The following GLIS3 variants were observed in gnomAD, a reference collection of about 807,000 sequenced individuals.
The protein encoded by GLIS3 is zinc finger protein GLIS3.
GLIS3 carries 53 observed loss-of-function variants against 78.6 expected under a neutral mutation model. The observed-to-expected ratio is 0.67, with a 90% confidence interval of 0.54 to 0.85. The LOEUF (loss-of-function observed/expected upper bound fraction) is 0.85. Among genes scored for constraint, GLIS3 ranks in the 40% least tolerant of loss-of-function variants. The pLI, the probability that GLIS3 is intolerant of heterozygous loss-of-function variation, is 0.00. For missense variants in GLIS3, 1,703 were observed against 1,231.1 expected (o/e 1.38, Z -5.74); for synonymous variants, 684 against 509.9 (o/e 1.34, Z -4.60).
chr9:3,924,499 G>C (rs1825095061), intron 6 of GLIS3, among the ~76,000 whole-genome samples: 1 of 152,192 alleles, frequency 6.6e-6, no homozygotes, highest in African/African-American at 2.4e-5. Context: ...CTAAGACATG[G>C]CCACCTGCCT....
At chr9:4,306,835 C>A (rs1020501492) in intron 4 of GLIS3, among the ~76,000 whole-genome samples, 3 of 152,222 alleles carry the variant, frequency 2.0e-5, no homozygotes, top group African/African-American at 7.2e-5. Flanking sequence ...GCTATAGATA[C>A]CCCTTGCTGA....
chr9:3,891,391 C>T (rs986474744), intron 7 of GLIS3, among the ~76,000 whole-genome samples: 2 of 152,072 alleles, frequency 1.3e-5, no homozygotes, highest in East Asian at 1.9e-4. Flanking sequence ...TTGTACAAAA[C>T]GTGGTCAGTA....
the GLIS3 span, among the ~76,000 whole-genome samples, chr9:4,355,193 G>A: frequency 6.6e-6 from 1 of 152,070 alleles, no homozygotes. Flanking sequence ...AAGTAGTAGA[G>A]TTGGAAAGTG....
At chr9:4,329,947 G>C (rs549193311) in intron 2 of GLIS3, among the ~76,000 whole-genome samples, 18 of 151,920 alleles carry the variant, frequency 1.2e-4, no homozygotes, top group African/African-American at 4.1e-4. Context: ...ATTTATTTTA[G>C]TGTATCAATT....
At chr9:4,072,225 G>C (rs758169773) in intron 4 of GLIS3, among the ~76,000 whole-genome samples, 7 of 152,182 alleles carry the variant, frequency 4.6e-5, no homozygotes, top group Non-Finnish European at 7.4e-5. Context: ...AGGTCACCTT[G>C]ATAATATTAG....
chr9:4,433,678 T>C, the GLIS3 span, among the ~76,000 whole-genome samples: 4 of 152,240 alleles, frequency 2.6e-5, no homozygotes, highest in Admixed American at 2.0e-4. Context: ...ACTACTTATC[T>C]CTAAGTGATG....
In GLIS3 at chr9:4,207,700, A is replaced by G. The variant is rs191091692; in HGVS notation, c.388+78338T>C. Among the ~76,000 whole-genome samples, 769 of 152,286 alleles carry G rather than the reference A, an allele frequency of 5.0e-3. 1 individual carries two copies. Among genetic ancestry groups the G allele is most frequent in the Middle Eastern group, 6.8e-3 (2 of 294 alleles). On this transcript the variant is annotated intron_variant, in intron 2 of 10. Coordinates refer to ENST00000381971, the MANE Select transcript of GLIS3 (RefSeq NM_001042413.2). ...CGCAGATGAGAAAAAAGCAGGAGAG[A>G]GAGGATATACTGGTTGCCCAAAGCC...
At chr9:4,276,564 G>GAGGGAAGGCA (rs201546348) in intron 2 of GLIS3, among the ~76,000 whole-genome samples, 1 of 111,524 alleles carries the variant, frequency 9.0e-6, no homozygotes, top group African/African-American at 3.3e-5. Flanking sequence ...GAGGGGAGGG[G>GAGGGAAGGCA]AGGGAAGAGA....
At chr9:4,047,514 A>C (rs1013976479) in intron 4 of GLIS3, among the ~76,000 whole-genome samples, 3 of 149,104 alleles carry the variant, frequency 2.0e-5, no homozygotes. Context: ...AAACAAACTT[A>C]AATCCACACC....
At position 4,012,430 on chromosome 9, in the gene GLIS3, G is replaced by GA. The variant is rs200999294; in HGVS notation, c.1711-75242dup. On this transcript the variant is annotated intron_variant, in intron 4 of 10. Coordinates refer to ENST00000381971, the MANE Select transcript of GLIS3 (RefSeq NM_001042413.2). ...ATGTCTTTTTTTACCTGTATCAGGG[G>GA]AAAAAAATAGACCCACACACACAAA... 4.0e-3 allele frequency among the ~76,000 whole-genome samples: 612 copies of GA among 151,934 alleles called. 6 individuals carry two copies. Among genetic ancestry groups the GA allele is most frequent in the African/African-American group, 0.014 (595 of 41,414 alleles).
At chr9:4,417,725 C>G in the GLIS3 span, among the ~76,000 whole-genome samples, 4 of 152,198 alleles carry the variant, frequency 2.6e-5, no homozygotes, top group African/African-American at 9.7e-5. Flanking sequence ...ATGTTACATT[C>G]TCACTTACAT....
chr9:4,119,798 A>G (rs1832044335), intron 3 of GLIS3, among the ~76,000 whole-genome samples: 1 of 152,254 alleles, frequency 6.6e-6, no homozygotes, highest in Non-Finnish European at 1.5e-5. Context: ...AAAATGGTTC[A>G]TAATGTAGCT....
chr9:4,167,714 C>A (rs970517085), intron 2 of GLIS3, among the ~76,000 whole-genome samples: 2 of 152,230 alleles, frequency 1.3e-5, no homozygotes, highest in Non-Finnish European at 2.9e-5. Context: ...GATACCACAG[C>A]TCACTCACGT....
chr9:4,037,550 AC>A (rs1824434540), intron 4 of GLIS3, among the ~76,000 whole-genome samples: 1 of 53,690 alleles, frequency 1.9e-5, no homozygotes, highest in Non-Finnish European at 7.4e-5. Flanking sequence ...TGCACACAAC[AC>A]ACACACACAC....
chr9:4,338,266 C>T (rs970983660), intron 2 of GLIS3, among the ~76,000 whole-genome samples: 1 of 152,080 alleles, frequency 6.6e-6, no homozygotes, highest in African/African-American at 2.4e-5. Context: ...TGTTAAAACA[C>T]AGCTTTCAGG....
intron 4 of GLIS3, among the ~76,000 whole-genome samples, chr9:4,012,570 G>A (rs1822104866): frequency 6.6e-6 from 1 of 152,064 alleles, no homozygotes; most frequent in Non-Finnish European, 1.5e-5. Flanking sequence ...TGAGGACACT[G>A]TGATTCATGT....
At chr9:3,911,047 T>C (rs1824108255) in intron 6 of GLIS3, among the ~76,000 whole-genome samples, 1 of 152,218 alleles carries the variant, frequency 6.6e-6, no homozygotes, top group African/African-American at 2.4e-5. Context: ...TTTCTGTCTC[T>C]ACTCATACAA....
the GLIS3 span, among the ~76,000 whole-genome samples, chr9:4,401,571 C>CTTTTCTTTCT: frequency 1.7e-5 from 2 of 120,670 alleles, no homozygotes; most frequent in African/African-American, 6.1e-5. Flanking sequence ...TCCTTTCTTT[C>CTTTTCTTTCT]TTTTTTTTTT....
chr9:3,987,089 A>C (rs1271995740), intron 4 of GLIS3, among the ~76,000 whole-genome samples: 3 of 152,242 alleles, frequency 2.0e-5, no homozygotes, highest in African/African-American at 7.2e-5. Context: ...CTTTTGAAAC[A>C]AATGGAAAAA....
Sources: gnomAD v4.1 joint callset for allele counts (sites outside exome capture counted in the v4.1 genomes callset) on GRCh38, gnomAD v4.1.1 for gene constraint, MANE v1.5 for transcripts, NCBI Gene and HGNC (gene_info 2026-07-23, HGNC 2026-07-21) for gene names.